Variants in TBC1D5 observed in about 807,000 individuals in gnomAD.
The protein encoded by TBC1D5 is TBC1 domain family member 5, also known as TBC1 domain family, member 5.
Under a neutral mutation model 100.3 loss-of-function variants are expected in TBC1D5, and 75 were observed. The ratio of observed to expected loss-of-function variants is 0.75; its 90% confidence interval spans 0.62 to 0.91. The LOEUF (loss-of-function observed/expected upper bound fraction) is 0.91, where lower values mean the gene tolerates loss of function less well. TBC1D5 is among the 40% of genes least tolerant of loss of function. TBC1D5 has a pLI of 0.00. For synonymous variants in TBC1D5, 323 were observed against 325.6 expected (o/e 0.99, Z 0.09); for missense variants, 910 against 942.4 (o/e 0.97, Z 0.45).
intron 1 of TBC1D5, among the ~76,000 whole-genome samples, chr3:17,661,563 C>G (rs115248221): frequency 6.7e-6 from 1 of 149,338 alleles, no homozygotes; most frequent in African/African-American, 2.5e-5. Flanking sequence ...TGCAGTGGTA[C>G]GATCTCAGCT....
chr3:17,432,622 T>C (rs2094464211), intron 3 of TBC1D5, among the ~76,000 whole-genome samples: 1 of 152,232 alleles, frequency 6.6e-6, no homozygotes. Flanking sequence ...ATTCCAGTGA[T>C]TTAATAGTCA....
At chr3:17,678,136 A>G (rs1013711897) in intron 1 of TBC1D5, among the ~76,000 whole-genome samples, 3 of 152,248 alleles carry the variant, frequency 2.0e-5, no homozygotes, top group Admixed American at 6.5e-5. Flanking sequence ...ACTTAAAAGT[A>G]TAATTTAAAA....
intron 13 of TBC1D5, among the ~76,000 whole-genome samples, chr3:17,335,200 G>A (rs919874493): frequency 2.0e-4 from 31 of 151,948 alleles, no homozygotes; most frequent in Non-Finnish European, 3.5e-4. Context: ...AACTAACAGG[G>A]GAAGTCTTAA....
At chr3:17,352,683 C>CAAAAAAAAAAAAAAAAAAAAAAAA (rs1363926293) in intron 13 of TBC1D5, among the ~76,000 whole-genome samples, 22 of 94,880 alleles carry the variant, frequency 2.3e-4, no homozygotes, top group East Asian at 4.4e-4. Context: ...AAGCAAAAGG[C>CAAAAAAAAAAAAAAAAAAAAAAAA]AAAAAAAAAA....
intron 2 of TBC1D5, among the ~76,000 whole-genome samples, chr3:17,590,753 T>C (rs534296867): frequency 1.8e-4 from 27 of 152,234 alleles, no homozygotes; most frequent in African/African-American, 6.3e-4. Flanking sequence ...AAGGTGGGCA[T>C]AGCTACCATA....
intron 1 of TBC1D5, among the ~76,000 whole-genome samples, chr3:17,693,730 G>T (rs1039095727): frequency 5.9e-5 from 9 of 152,240 alleles, no homozygotes; most frequent in African/African-American, 2.2e-4. Context: ...GAGAGCAGTG[G>T]TTCTCCCAAC....
At chr3:17,448,857 C>T (rs924649730) in intron 3 of TBC1D5, among the ~76,000 whole-genome samples, 2 of 152,226 alleles carry the variant, frequency 1.3e-5, no homozygotes, top group African/African-American at 4.8e-5. Context: ...TCACCAACTA[C>T]ATTAGCCTCT....
intron 13 of TBC1D5, among the ~76,000 whole-genome samples, chr3:17,371,856 G>GGTGAAACCCT (rs1461650997): frequency 1.3e-5 from 2 of 152,066 alleles, no homozygotes; most frequent in African/African-American, 4.8e-5. Context: ...TGGCCAACAT[G>GGTGAAACCCT]GTGAAACCCT....
At chr3:17,264,573 G>A (rs143611492) in intron 15 of TBC1D5, among the ~76,000 whole-genome samples, 2 of 152,228 alleles carry the variant, frequency 1.3e-5, no homozygotes, top group East Asian at 3.9e-4. Flanking sequence ...AAAGCACTAG[G>A]GTAAATATAT....
At chr3:17,317,219 C>A (rs1313870735) in intron 13 of TBC1D5, among the ~76,000 whole-genome samples, 6 of 152,120 alleles carry the variant, frequency 3.9e-5, no homozygotes, top group Admixed American at 3.9e-4. Context: ...CATTTCAAAG[C>A]CAAGTATTAA....
intron 1 of TBC1D5, among the ~76,000 whole-genome samples, chr3:17,689,441 A>G (rs1394580130): frequency 1.3e-5 from 2 of 151,586 alleles, no homozygotes; most frequent in African/African-American, 4.8e-5. Flanking sequence ...CAGGAGGCTG[A>G]AGCTGGAGGA....
At chr3:17,552,017 G>C (rs2096478268) in intron 2 of TBC1D5, among the ~76,000 whole-genome samples, 1 of 151,998 alleles carries the variant, frequency 6.6e-6, no homozygotes, top group South Asian at 2.1e-4. Context: ...TGCAGCACCT[G>C]AGCAATGGCA....
At chr3:17,481,947 G>A (rs1425692545) in intron 3 of TBC1D5, among the ~76,000 whole-genome samples, 2 of 152,130 alleles carry the variant, frequency 1.3e-5, no homozygotes, top group Middle Eastern at 3.2e-3. Flanking sequence ...TACTATGTTC[G>A]CCAGGGTGGT....
At chr3:17,737,773 AC>A (rs544205283) in intron 1 of TBC1D5, among the ~76,000 whole-genome samples, 144 of 152,256 alleles carry the variant, frequency 9.5e-4, no homozygotes, top group Non-Finnish European at 1.7e-3. Context: ...AACTATGATA[AC>A]ATGTAATCAT....
intron 2 of TBC1D5, among the ~76,000 whole-genome samples, chr3:17,577,901 CA>C (rs751957260): frequency 7.9e-5 from 12 of 151,510 alleles, no homozygotes; most frequent in East Asian, 3.9e-4. Context: ...TCCCATTGTT[CA>C]AAAAAAGGAG....
At chr3:17,616,599 T>C (rs139790777) in intron 2 of TBC1D5, among the ~76,000 whole-genome samples, 21 of 152,316 alleles carry the variant, frequency 1.4e-4, no homozygotes, top group Non-Finnish European at 2.2e-4. Context: ...ATATTTAGGA[T>C]AGTTAGCTCT....
intron 21 of TBC1D5, 142 bp downstream of exon 22, chr3:17,166,625 A>G: frequency 9.1e-7 from 1 of 1,099,348 alleles, no homozygotes; most frequent in East Asian, 2.6e-5. Flanking sequence ...CAGCCTGCAC[A>G]GCTGTACACA....
Position 17,541,905 on chromosome 3 carries a change from T to C in TBC1D5, c.-35-33300A>G, listed in dbSNP as rs184950279. Among the ~76,000 whole-genome samples, 431 of 152,328 alleles carry C rather than the reference T, an allele frequency of 2.8e-3. 1 individual carries two copies. The highest frequency in any genetic ancestry group is 7.2e-3 in the South Asian group (35 of 4,834). On this transcript the variant is annotated intron_variant, in intron 2 of 21. Coordinates refer to ENST00000253692, the Ensembl canonical transcript of TBC1D5. ...ATAAAACCAAACCCTACACACACTA[T>C]GGTTTTTCCTATATGTACACACCTA...
chr3:17,675,564 A>T (rs1290230581), intron 1 of TBC1D5, among the ~76,000 whole-genome samples: 1 of 152,140 alleles, frequency 6.6e-6, no homozygotes, highest in Non-Finnish European at 1.5e-5. Flanking sequence ...TGATTCACTA[A>T]TTTTAACTTA....
Sources: gnomAD v4.1 joint callset for allele counts (sites outside exome capture counted in the v4.1 genomes callset) on GRCh38, gnomAD v4.1.1 for gene constraint, MANE v1.5 for transcripts, NCBI Gene and HGNC (gene_info 2026-07-23, HGNC 2026-07-21) for gene names.